SH3RF2: variants seen among roughly 807,000 people sequenced by gnomAD.
SH3RF2 encodes the protein SH3 domain containing ring finger 2.
A neutral mutation model predicts 59.0 loss-of-function variants in SH3RF2; 43 were observed. The ratio of observed to expected loss-of-function variants is 0.73; its 90% CI spans 0.57 to 0.94. SH3RF2 has a LOEUF of 0.94. Among genes scored for constraint, SH3RF2 ranks in the 40% least tolerant of loss-of-function variants. The probability of loss-of-function intolerance (pLI) is 0.00; values close to 1 mark genes in which losing one functional copy is unlikely to be tolerated. For synonymous variants in SH3RF2, 391 were observed against 391.5 expected, an observed-to-expected ratio of 1.00 and a Z score of 0.01; for missense variants, 930 against 940.1, an observed-to-expected ratio of 0.99 and a Z score of 0.14.
chr5:146,018,669 A>T (rs1235553313), intron 5 of SH3RF2, among the ~76,000 whole-genome samples: 1 of 152,104 alleles, frequency 6.6e-6, no homozygotes, highest in Non-Finnish European at 1.5e-5. Context: ...GTGGGATCAA[A>T]TGGTAGATCT....
intron 2 of SH3RF2, among the ~76,000 whole-genome samples, chr5:145,952,085 C>T (rs1254350932): frequency 6.6e-6 from 1 of 152,144 alleles, no homozygotes; most frequent in Non-Finnish European, 1.5e-5. Flanking sequence ...ATGCACTTAG[C>T]ACATGTTAAT....
intron 2 of SH3RF2, among the ~76,000 whole-genome samples, chr5:145,955,360 T>G (rs1758352641): frequency 6.6e-6 from 1 of 152,108 alleles, no homozygotes; most frequent in African/African-American, 2.4e-5. Flanking sequence ...CATTGGGTAC[T>G]CATGGTCATA....
intron 2 of SH3RF2, among the ~76,000 whole-genome samples, chr5:145,944,823 G>T (rs921607273): frequency 6.6e-6 from 1 of 152,050 alleles, no homozygotes; most frequent in East Asian, 1.9e-4. Flanking sequence ...TTTGAGAAAC[G>T]CTGTCTCAGA....
downstream of SH3RF2, among the ~76,000 whole-genome samples, chr5:146,064,584 G>GC (rs1418970236): frequency 0.013 from 105 of 8,116 alleles, 6 homozygotes; most frequent in Middle Eastern, 0.083. Flanking sequence ...AGGAAGGAAG[G>GC]GGGAGAGAGA....
intron 5 of SH3RF2, among the ~76,000 whole-genome samples, chr5:146,024,472 C>T (rs535089266): frequency 2.4e-3 from 369 of 152,208 alleles, no homozygotes; most frequent in African/African-American, 8.4e-3. Context: ...ATTCAAGTCC[C>T]GTATCAGTTA....
At chr5:146,027,465 G>A (rs1761569383) in intron 5 of SH3RF2, among the ~76,000 whole-genome samples, 1 of 152,198 alleles carries the variant, frequency 6.6e-6, no homozygotes, top group African/African-American at 2.4e-5. Flanking sequence ...ATGCCCACCA[G>A]GCACTGAGCT....
chr5:146,020,651 T>C (rs1761285210), intron 5 of SH3RF2, among the ~76,000 whole-genome samples: 2 of 152,148 alleles, frequency 1.3e-5, no homozygotes, highest in East Asian at 1.9e-4. Flanking sequence ...AACACCCTCT[T>C]TACACTATAA....
chr5:145,994,798 A>G (rs1419621794), intron 2 of SH3RF2, among the ~76,000 whole-genome samples: 6 of 152,162 alleles, frequency 3.9e-5, no homozygotes, highest in Admixed American at 1.3e-4. Flanking sequence ...GAAATAATAC[A>G]CACCTCAAAG....
chr5:146,026,562 T>C (rs1053865149), intron 5 of SH3RF2, among the ~76,000 whole-genome samples: 4 of 152,236 alleles, frequency 2.6e-5, no homozygotes, highest in Non-Finnish European at 4.4e-5. Context: ...ATTGTTGTGA[T>C]TCTTCCTGTC....
At chr5:146,064,864 G>GAAAGAAAGAAAGAAAGAAAAA (rs59357428), downstream of SH3RF2, among the ~76,000 whole-genome samples, 1 of 69,092 alleles carries the variant, frequency 1.4e-5, no homozygotes, top group Non-Finnish European at 3.0e-5. Flanking sequence ...AAGAAAGAAA[G>GAAAGAAAGAAAGAAAGAAAAA]AGAAAGAAAA....
At position 146,060,229 on chromosome 5, in the gene SH3RF2, G is replaced by A; in HGVS notation, c.1914+5G>A. Reference sequence around the variant, plus strand: ...TCAAGAAATGGCATCGAAAAGGTAGGATCAGAGTGACATTGGGGGCCCAAC... The same window carrying A: ...TCAAGAAATGGCATCGAAAAGGTAGAATCAGAGTGACATTGGGGGCCCAAC... On this transcript the variant is annotated splice_donor_5th_base_variant and intron_variant, in intron 9 of 9. Coordinates refer to ENST00000359120, the MANE Select transcript of SH3RF2 (RefSeq NM_152550.4). 6.3e-7 allele frequency: 1 copy of A among 1,592,404 alleles called. No individual in the cohort carries two copies. The highest frequency in any genetic ancestry group is 8.6e-7 in the Non-Finnish European group (1 of 1,168,246).
At chr5:146,013,117 C>T (rs1052637025) in intron 4 of SH3RF2, among the ~76,000 whole-genome samples, 2 of 152,180 alleles carry the variant, frequency 1.3e-5, no homozygotes, top group Non-Finnish European at 2.9e-5. Flanking sequence ...GAATGCACTA[C>T]ATTCTGGCTC....
intron 2 of SH3RF2, among the ~76,000 whole-genome samples, chr5:145,953,291 A>C (rs1235031091): frequency 6.6e-6 from 1 of 152,186 alleles, no homozygotes; most frequent in Non-Finnish European, 1.5e-5. Flanking sequence ...TTATGCTGAT[A>C]CCTGAAGGAT....
At chr5:145,958,273 C>A (rs931293199) in intron 2 of SH3RF2, among the ~76,000 whole-genome samples, 5 of 152,124 alleles carry the variant, frequency 3.3e-5, no homozygotes, top group African/African-American at 1.2e-4. Context: ...TAGGCGGAAC[C>A]CTGTAAGGCT....
At chr5:145,941,879 G>A (rs1264513396) in intron 2 of SH3RF2, among the ~76,000 whole-genome samples, 1 of 152,194 alleles carries the variant, frequency 6.6e-6, no homozygotes, top group Admixed American at 6.5e-5. Context: ...CTCATATTAA[G>A]TGCTCAGTAA....
intron 2 of SH3RF2, among the ~76,000 whole-genome samples, chr5:145,960,103 G>T (rs971728655): frequency 6.6e-6 from 1 of 152,190 alleles, no homozygotes; most frequent in Non-Finnish European, 1.5e-5. Context: ...CACCCAGGCT[G>T]AAGTGCAGTA....
intron 2 of SH3RF2, among the ~76,000 whole-genome samples, chr5:145,978,448 C>A (rs1020122972): frequency 6.6e-6 from 1 of 152,196 alleles, no homozygotes; most frequent in African/African-American, 2.4e-5. Context: ...TTATATATGT[C>A]TTCATGCCCT....
At chr5:146,067,970 GA>G (rs2150027258), downstream of SH3RF2, among the ~76,000 whole-genome samples, 1 of 152,286 alleles carries the variant, frequency 6.6e-6, no homozygotes, top group Admixed American at 6.5e-5. Flanking sequence ...GTAGGACCCA[GA>G]GAGGTCACTC....
intron 2 of SH3RF2, among the ~76,000 whole-genome samples, chr5:145,981,711 C>A (rs1759512794): frequency 6.6e-6 from 1 of 152,216 alleles, no homozygotes; most frequent in South Asian, 2.1e-4. Flanking sequence ...CCACATGCAG[C>A]TCTTCAAATT....
Sources: allele counts gnomAD v4.1 joint callset (sites outside exome capture counted in the v4.1 genomes callset), GRCh38; gene constraint gnomAD v4.1.1; transcripts MANE v1.5; gene names NCBI Gene and HGNC (gene_info 2026-07-23, HGNC 2026-07-21).